Variants in NEXN observed in about 807,000 individuals in gnomAD.
NEXN encodes nexilin F-actin binding protein.
A neutral mutation model predicts 92.6 loss-of-function variants in NEXN; 65 were observed. That is an observed-to-expected ratio of 0.70 (90% CI 0.57 to 0.86). NEXN has a LOEUF of 0.86. Ranked by LOEUF, NEXN falls within the 40% of genes least tolerant of loss-of-function variation. NEXN has a pLI of 0.00. For missense variants in NEXN, 778 were observed against 771.1 expected, an observed-to-expected ratio of 1.01 and a Z score of -0.11; for synonymous variants, 254 against 242.5, an observed-to-expected ratio of 1.05 and a Z score of -0.44.
rs745771815 is a variant in NEXN at position 77,916,086 on chromosome 1, C to T, written c.-21C>T. The T allele has an allele frequency of 6.2e-7, 1 of 1,600,356 alleles. No homozygotes were observed. Among genetic ancestry groups the T allele is most frequent in the Non-Finnish European group, 8.5e-7 (1 of 1,171,774 alleles). ...ATATATACAGAGCTTCATAATCAGCCCAAGACCACATAGAGCAAACATGAA... is the reference window on the plus strand; with the variant it reads ...ATATATACAGAGCTTCATAATCAGCTCAAGACCACATAGAGCAAACATGAA... On this transcript the variant is annotated 5_prime_UTR_variant, in exon 2 of 13. Transcript: ENST00000334785.
intron 1 of NEXN, among the ~76,000 whole-genome samples, chr1:77,898,720 A>G (rs1435009082): frequency 1.3e-5 from 2 of 152,220 alleles, no homozygotes; most frequent in African/African-American, 2.4e-5. Flanking sequence ...CAGAGTGAAT[A>G]GGCAACCTAC....
At chr1:77,898,769 A>G (rs1010120451) in intron 1 of NEXN, among the ~76,000 whole-genome samples, 5 of 152,208 alleles carry the variant, frequency 3.3e-5, no homozygotes, top group African/African-American at 1.2e-4. Context: ...TCATCTGACA[A>G]AGGGCTAATA....
intron 1 of NEXN, among the ~76,000 whole-genome samples, chr1:77,902,049 C>T (rs1344280477): frequency 1.3e-5 from 2 of 152,024 alleles, no homozygotes; most frequent in African/African-American, 2.4e-5. Flanking sequence ...TTATCCTATT[C>T]GTTATTATTT....
At chr1:77,939,453 T>A (rs1476988519) in intron 11 of NEXN, among the ~76,000 whole-genome samples, 1 of 152,240 alleles carries the variant, frequency 6.6e-6, no homozygotes, top group East Asian at 1.9e-4. Flanking sequence ...ATTTAGTGGA[T>A]GACTGGCCAA....
rs759254510 is a variant in NEXN, at chr1:77,926,435, A to G, written c.511A>G (p.Ile171Val). ...ASEEGDDSLL[I>V]TVVPVKSYKT... ...ATAGGAAGGAGATGATTCACTACTT[A>G]TAACTGTGGTACCTGTCAAATCATA... The change falls in exon 7 of 13, where the codon ATA becomes GTA. Residue 171 changes from isoleucine (I) to valine (V), a missense_variant. Around this residue, in one of 3 missense-constraint regions of NEXN, gnomAD observed 236 missense variants for 265.6 expected, o/e 0.89. Transcript: ENST00000334785. 1 of 1,603,108 alleles carries G rather than the reference A, an allele frequency of 6.2e-7. No individual in the cohort carries two copies. Among genetic ancestry groups the G allele is most frequent in the South Asian group, 1.1e-5 (1 of 89,632 alleles).
chr1:77,912,232 A>T (rs1474927251), intron 1 of NEXN, among the ~76,000 whole-genome samples: 1 of 152,168 alleles, frequency 6.6e-6, no homozygotes, highest in Non-Finnish European at 1.5e-5. Flanking sequence ...TTATTTAGGG[A>T]TAACTGACAA....
chr1:77,904,513 C>T (rs1647954710), intron 1 of NEXN, among the ~76,000 whole-genome samples: 1 of 152,152 alleles, frequency 6.6e-6, no homozygotes, highest in Non-Finnish European at 1.5e-5. Flanking sequence ...TTCAAACTTG[C>T]TAGTTTTTGC....
intron 1 of NEXN, among the ~76,000 whole-genome samples, chr1:77,915,359 G>A (rs1648886319): frequency 6.6e-6 from 1 of 152,174 alleles, no homozygotes; most frequent in African/African-American, 2.4e-5. Context: ...GCCGGGCATG[G>A]TGGCTCATGC....
At chr1:77,898,053 A>C (rs1229225397) in intron 1 of NEXN, among the ~76,000 whole-genome samples, 2 of 152,244 alleles carry the variant, frequency 1.3e-5, no homozygotes, top group African/African-American at 4.8e-5. Context: ...CATGCATAGG[A>C]AGAATCAATA....
chr1:77,933,764 ATATAT>A (rs748275246), intron 10 of NEXN, among the ~76,000 whole-genome samples: 4 of 152,174 alleles, frequency 2.6e-5, no homozygotes, highest in South Asian at 2.1e-4. Context: ...TATTCAATAC[ATATAT>A]TATATATAGA....
rs1571157558 is a variant in NEXN, at chr1:77,935,972, A to T, written c.1401A>T (p.Ile467=). Residue 467 remains isoleucine, a synonymous_variant, in exon 11 of 13, where the codon ATA becomes ATT. Coordinates refer to ENST00000334785, the MANE Select transcript of NEXN (RefSeq NM_144573.4). Reference sequence around the variant, plus strand: ...CTGAAAAAGAAATACAGAAAAAAATAGAAGAAGAGCGAGCAAGAAGGAGAG... The same window carrying T: ...CTGAAAAAGAAATACAGAAAAAAATTGAAGAAGAGCGAGCAAGAAGGAGAG... ...QLSEKEIQKK[I]EEERARRRAI... 1 of 1,613,522 alleles carries T rather than the reference A, an allele frequency of 6.2e-7. No individual in the cohort carries two copies. The highest frequency in any genetic ancestry group is 1.3e-5 in the African/African-American group (1 of 74,870).
intron 9 of NEXN, chr1:77,933,057 AGG>A (rs1390023041): frequency 1.1e-5 from 4 of 368,854 alleles, no homozygotes; most frequent in African/African-American, 6.3e-5. Context: ...GCTACTTGGG[AGG>A]CTGAGGCAGG....
At chr1:77,929,033 G>A (rs1459726957) in intron 8 of NEXN, among the ~76,000 whole-genome samples, 4 of 152,270 alleles carry the variant, frequency 2.6e-5, no homozygotes, top group East Asian at 1.9e-4. Context: ...GGCGTGAGCC[G>A]CCACAACACC....
intron 1 of NEXN, among the ~76,000 whole-genome samples, chr1:77,893,256 GT>G (rs1647148901): frequency 6.6e-6 from 1 of 152,042 alleles, no homozygotes; most frequent in Non-Finnish European, 1.5e-5. Flanking sequence ...GGAGTTTACT[GT>G]TTTTCTTTTG....
In NEXN at chr1:77,917,739, G is replaced by A. The variant is rs999958582; in HGVS notation, c.201G>A (p.Trp67Ter). The A allele has an allele frequency of 1.2e-5, 20 of 1,606,890 alleles. No homozygotes were observed. Among genetic ancestry groups the A allele is most frequent in the Non-Finnish European group, 1.7e-5 (20 of 1,174,196 alleles). Residue 67 changes from tryptophan (W) to a stop codon, truncating the protein, a stop_gained, in exon 3 of 13, where the codon TGG becomes TGA. Transcript: ENST00000334785. LOFTEE classifies it high-confidence loss of function. Reference sequence around the variant, plus strand: ...AACAATATATTAGAGAGAGAGAATGGAACAGGAGAAAGCAGGAGGTTATTT... The same window carrying A: ...AACAATATATTAGAGAGAGAGAATGAAACAGGAGAAAGCAGGAGGTTATTT... ...RKEQYIRERE[W>*]NRRKQEIKEM...
chr1:77,890,898 A>G (rs938116072), intron 1 of NEXN, among the ~76,000 whole-genome samples: 1 of 151,892 alleles, frequency 6.6e-6, no homozygotes, highest in Non-Finnish European at 1.5e-5. Flanking sequence ...TATGTAGGCC[A>G]CACACACACA....
chr1:77,935,733 G>C (rs1243111549), intron 10 of NEXN, 90 bp from the exon 11 acceptor site: 1 of 1,167,404 alleles, frequency 8.6e-7, no homozygotes, highest in East Asian at 2.4e-5. Context: ...CAGGAGGATT[G>C]CTTAAACACA....
chr1:77,894,528 T>G (rs990210771), intron 1 of NEXN, among the ~76,000 whole-genome samples: 2 of 151,462 alleles, frequency 1.3e-5, no homozygotes, highest in Non-Finnish European at 2.9e-5. Context: ...GCAGTCTCTA[T>G]GTCCCAGCTT....
chr1:77,941,805 T>C (rs895595227), intron 11 of NEXN: 5 of 536,594 alleles, frequency 9.3e-6, no homozygotes, highest in African/African-American at 7.8e-5. Context: ...ATCTTTACAT[T>C]TGGAGAAAAA....
Sources: allele counts gnomAD v4.1 joint callset (sites outside exome capture counted in the v4.1 genomes callset), GRCh38; gene constraint gnomAD v4.1.1; regional missense constraint gnomAD v4.1.1; transcripts MANE v1.5; gene names NCBI Gene and HGNC (gene_info 2026-07-23, HGNC 2026-07-21).